The following MAPK10 variants were observed in gnomAD, a reference collection of about 807,000 sequenced individuals.
The protein encoded by MAPK10 is mitogen-activated protein kinase 10.
In MAPK10, 25 loss-of-function variants were observed where a neutral mutation model predicts 59.3. The observed-to-expected ratio is 0.42, with a 90% CI of 0.31 to 0.59. The LOEUF (loss-of-function observed/expected upper bound fraction) is 0.59. MAPK10 is among the 20% of genes least tolerant of loss of function. The pLI is 0.15. For synonymous variants in MAPK10, 190 were observed against 200.5 expected (o/e 0.95, Z 0.44); for missense variants, 351 against 568.9 (o/e 0.62, Z 3.90).
rs189403835 is a variant in MAPK10, at chr4:86,590,779, G to A, written c.-263+3131C>T. Among the ~76,000 whole-genome samples the A allele has an allele frequency of 2.7e-3, 406 of 151,660 alleles. 3 individuals are homozygous for A. Among genetic ancestry groups the A allele is most frequent in the African/African-American group, 9.3e-3 (385 of 41,364 alleles). On this transcript the variant is annotated intron_variant, in intron 1 of 4. Coordinates refer to the MAPK10 transcript ENST00000502302. ...CCAGCCTGGGTAACAGAGCAAGACC[G>A]TGTCTCAAAAAAAAACAACAATAAA...
intron 1 of MAPK10, among the ~76,000 whole-genome samples, chr4:86,557,292 A>G (rs2149102767): frequency 6.6e-6 from 1 of 152,176 alleles, no homozygotes; most frequent in East Asian, 1.9e-4. Flanking sequence ...AAGATATAAT[A>G]AAATAACAAC....
At chr4:86,423,633 A>C (rs1030739669) in intron 1 of MAPK10, among the ~76,000 whole-genome samples, 3 of 151,706 alleles carry the variant, frequency 2.0e-5, no homozygotes, top group Non-Finnish European at 2.9e-5. Flanking sequence ...TGAGGGGGTT[A>C]TTTTTTGTGA....
chr4:86,581,274 G>GA lies in MAPK10; in HGVS notation c.-263+12635dup, dbSNP rs200053221. On this transcript the variant is annotated intron_variant, in intron 1 of 4. Coordinates refer to the MAPK10 transcript ENST00000502302. ...TCTGAAATTTAAAAAAAAAAATACA[G>GA]AAAAAAATGGAAAGATCAGCTCTAT... Among the ~76,000 whole-genome samples the GA allele has an allele frequency of 9.1e-3, 1,377 of 150,716 alleles. 7 individuals are homozygous for GA. Among genetic ancestry groups the GA allele is most frequent in the Non-Finnish European group, 0.014 (931 of 67,612 alleles).
chr4:86,168,868 T>C (rs2149252845), intron 3 of MAPK10, among the ~76,000 whole-genome samples: 1 of 152,016 alleles, frequency 6.6e-6, no homozygotes, highest in African/African-American at 2.4e-5. Context: ...AGACAAAACT[T>C]CCAGAGGAAC....
In MAPK10 at chr4:86,359,909, T is replaced by C. The variant is rs930168735; in HGVS notation, c.-373A>G. The C allele has an allele frequency of 1.0e-6, 1 of 985,202 alleles. No individual in the cohort carries two copies. The allele number at this position is 985,202 out of a possible 1,614,324, so 61.0% of individuals were successfully genotyped here. Reference sequence around the variant, plus strand: ...AAAATGAAAAAAGAAAAGAAAAAGGTAAGCATATAGCAAGCACCACCCACC... The same window carrying C: ...AAAATGAAAAAAGAAAAGAAAAAGGCAAGCATATAGCAAGCACCACCCACC... On this transcript the variant is annotated 5_prime_UTR_variant, in exon 1 of 14. Coordinates refer to ENST00000641462, the MANE Select transcript of MAPK10 (RefSeq NM_138982.4).
intron 2 of MAPK10, among the ~76,000 whole-genome samples, chr4:86,251,996 G>A (rs2093465539): frequency 8.6e-6 from 1 of 116,818 alleles, no homozygotes; most frequent in South Asian, 2.4e-4. Context: ...GTCTGTTCAT[G>A]TCCTTCACCC....
At chr4:86,097,038 A>T (rs2054356201) in intron 9 of MAPK10, among the ~76,000 whole-genome samples, 1 of 152,014 alleles carries the variant, frequency 6.6e-6, no homozygotes, top group Admixed American at 6.6e-5. Context: ...GTCCACATTC[A>T]AAAGAATAAA....
At chr4:86,328,378 C>T (rs9654156) in intron 2 of MAPK10, among the ~76,000 whole-genome samples, 109,949 of 152,134 alleles carry the variant, frequency 0.72, 40,512 homozygotes, top group South Asian at 0.9. Flanking sequence ...TGTGGAGAAA[C>T]AGGAACGCTT....
intron 2 of MAPK10, among the ~76,000 whole-genome samples, chr4:86,292,643 C>T (rs1157551256): frequency 6.6e-6 from 1 of 152,116 alleles, no homozygotes; most frequent in African/African-American, 2.4e-5. Context: ...TGTTTGAGTC[C>T]AGGAGTTTGA....
intron 4 of MAPK10, 97 bp from the exon 5 acceptor site, chr4:86,107,449 C>T (rs559780441): frequency 2.2e-5 from 33 of 1,485,080 alleles, no homozygotes; most frequent in Admixed American, 6.7e-5. Context: ...AATGCTATTT[C>T]GGAATCTTAG....
intron 4 of MAPK10, among the ~76,000 whole-genome samples, chr4:86,153,582 T>C (rs2066983350): frequency 6.6e-6 from 1 of 152,168 alleles, no homozygotes; most frequent in African/African-American, 2.4e-5. Context: ...CACATAGAAA[T>C]GTGGGTATTA....
At chr4:86,451,612 G>C (rs1750729362) in intron 1 of MAPK10, among the ~76,000 whole-genome samples, 1 of 152,168 alleles carries the variant, frequency 6.6e-6, no homozygotes, top group Non-Finnish European at 1.5e-5. Flanking sequence ...AGAAAGTGAA[G>C]GAGGCCAAGC....
At chr4:86,148,631 G>T (rs2065597382) in intron 4 of MAPK10, among the ~76,000 whole-genome samples, 1 of 152,192 alleles carries the variant, frequency 6.6e-6, no homozygotes. Flanking sequence ...TCTGGAAAGA[G>T]AAAGGAAGAA....
intron 4 of MAPK10, among the ~76,000 whole-genome samples, chr4:86,116,448 T>C (rs1348544552): frequency 6.6e-6 from 1 of 152,216 alleles, no homozygotes; most frequent in Non-Finnish European, 1.5e-5. Context: ...GTTACATCTT[T>C]CATAATTTCA....
chr4:86,359,263 C>CTCTCTCTCTCT (rs1554248207), intron 1 of MAPK10, among the ~76,000 whole-genome samples: 11 of 53,466 alleles, frequency 2.1e-4, no homozygotes, highest in Admixed American at 7.4e-4. Flanking sequence ...TTTTTTTTTT[C>CTCTCTCTCTCT]CTCTCTCTCT....
intron 2 of MAPK10, among the ~76,000 whole-genome samples, chr4:86,298,278 T>C (rs1253417948): frequency 6.6e-6 from 1 of 152,186 alleles, no homozygotes; most frequent in Non-Finnish European, 1.5e-5. Context: ...GCTATGACAA[T>C]ATTAATTATT....
intron 9 of MAPK10, among the ~76,000 whole-genome samples, chr4:86,068,803 CTTTT>C (rs1330236699): frequency 6.6e-6 from 1 of 152,066 alleles, no homozygotes; most frequent in Non-Finnish European, 1.5e-5. Flanking sequence ...TTGAGATTCT[CTTTT>C]TTATCTGTCA....
chr4:86,490,166 T>G (rs1458465214), intron 1 of MAPK10, among the ~76,000 whole-genome samples: 1 of 152,250 alleles, frequency 6.6e-6, no homozygotes, highest in African/African-American at 2.4e-5. Flanking sequence ...TGAGTAGTTA[T>G]GCCACTGAGA....
At chr4:86,264,695 A>G (rs17011645) in intron 2 of MAPK10, among the ~76,000 whole-genome samples, 10,521 of 152,184 alleles carry the variant, frequency 0.069, 499 homozygotes, top group South Asian at 0.14. Context: ...ATTCTGATAA[A>G]GGACTATGCC....
Sources: allele counts gnomAD v4.1 joint callset (sites outside exome capture counted in the v4.1 genomes callset), GRCh38; gene constraint gnomAD v4.1.1; transcripts MANE v1.5; gene names NCBI Gene and HGNC (gene_info 2026-07-23, HGNC 2026-07-21).